The following PLEKHA2 variants were observed in gnomAD, a reference collection of about 807,000 sequenced individuals.
PLEKHA2 encodes pleckstrin homology domain containing A2.
Under a neutral mutation model 53.2 loss-of-function variants are expected in PLEKHA2, and 28 were observed. The observed-to-expected ratio is 0.53, with a 90% confidence interval of 0.39 to 0.72. The LOEUF (loss-of-function observed/expected upper bound fraction) is 0.72. Among genes scored for constraint, PLEKHA2 ranks in the 30% least tolerant of loss-of-function variants. The pLI is 0.00. For synonymous variants in PLEKHA2, 193 were observed against 196.4 expected, an observed-to-expected ratio of 0.98 and a Z score of 0.14; for missense variants, 426 against 537.9, an observed-to-expected ratio of 0.79 and a Z score of 2.06.
intron 1 of PLEKHA2, among the ~76,000 whole-genome samples, chr8:38,905,129 T>G (rs976419196): frequency 2.6e-5 from 4 of 152,288 alleles, no homozygotes; most frequent in African/African-American, 9.6e-5. Flanking sequence ...CACACCCTTT[T>G]GAATGGTCAT....
intron 2 of PLEKHA2, among the ~76,000 whole-genome samples, chr8:38,929,571 T>G (rs1564121379): frequency 6.6e-6 from 1 of 152,262 alleles, no homozygotes; most frequent in Non-Finnish European, 1.5e-5. Context: ...GGCAGGTTCC[T>G]TCACCTGCCC....
At chr8:38,923,937 C>T (rs1005368688) in intron 2 of PLEKHA2, among the ~76,000 whole-genome samples, 3 of 152,040 alleles carry the variant, frequency 2.0e-5, no homozygotes, top group Non-Finnish European at 4.4e-5. Flanking sequence ...CTGCAACCTC[C>T]GCCTCCCAGC....
chr8:38,969,352 A>C, intron 11 of PLEKHA2, 69 bp from the exon 12 acceptor site: 1 of 1,537,044 alleles, frequency 6.5e-7, no homozygotes, highest in Non-Finnish European at 8.7e-7. Context: ...TCTTTCTGGG[A>C]CTCTGTGATA....
chr8:38,951,258 G>C (rs1834833272), intron 6 of PLEKHA2, among the ~76,000 whole-genome samples: 1 of 152,096 alleles, frequency 6.6e-6, no homozygotes. Context: ...CAGAAGATGA[G>C]GGTTTGTGAA....
At chr8:38,950,816 G>C (rs1413518511) in intron 5 of PLEKHA2, 34 bp from the exon 6 acceptor site, 1 of 1,602,786 alleles carries the variant, frequency 6.2e-7, no homozygotes, top group Non-Finnish European at 8.5e-7. Context: ...TAAATGTTCT[G>C]TTCCCCATTG....
At chr8:38,929,329 C>G (rs1834346348) in intron 2 of PLEKHA2, among the ~76,000 whole-genome samples, 1 of 152,230 alleles carries the variant, frequency 6.6e-6, no homozygotes, top group Non-Finnish European at 1.5e-5. Flanking sequence ...AGTTTGGCAC[C>G]CAAGAGCCAG....
At chr8:38,926,321 C>T (rs1834287535) in intron 2 of PLEKHA2, among the ~76,000 whole-genome samples, 1 of 150,204 alleles carries the variant, frequency 6.7e-6, no homozygotes, top group Non-Finnish European at 1.5e-5. Context: ...TTATAAGTGA[C>T]AAATCTGTAC....
At position 38,971,167 on chromosome 8, in the gene PLEKHA2, G is replaced by A. The variant is rs915238444; in HGVS notation, c.*1384G>A. 6.6e-6 allele frequency: 1 copy of A among 152,182 alleles called. No homozygotes were observed. The highest frequency in any genetic ancestry group is 2.4e-5 in the African/African-American group (1 of 41,450). The allele number at this position is 152,182 out of a possible 1,614,324, so 9.4% of individuals were successfully genotyped here. On this transcript the variant is annotated 3_prime_UTR_variant, in exon 12 of 12. Transcript: ENST00000617275. ...AATCATGTTTCTTTCAGGACGTGTT[G>A]TTTCCCTGAAGTCTATGTCACACTG...
intron 2 of PLEKHA2, among the ~76,000 whole-genome samples, chr8:38,923,211 C>T (rs1049370031): frequency 6.6e-6 from 1 of 152,170 alleles, no homozygotes; most frequent in African/African-American, 2.4e-5. Context: ...AGATGTAGGG[C>T]TTGGAGGTGG....
rs375831854 is a variant in PLEKHA2 at position 38,939,863 on chromosome 8, A to C, written c.198+3813A>C. Among the ~76,000 whole-genome samples, 130 of 152,214 alleles carry C rather than the reference A, an allele frequency of 8.5e-4. 1 individual carries two copies. The highest frequency in any genetic ancestry group is 3.0e-3 in the African/African-American group (123 of 41,542). ...CACTTTGGGAGTCTGAGGTGGGAGGATCGCTTGAGGCCAGGAGTTCAAGAC... is the reference window on the plus strand; with the variant it reads ...CACTTTGGGAGTCTGAGGTGGGAGGCTCGCTTGAGGCCAGGAGTTCAAGAC... On this transcript the variant is annotated intron_variant, in intron 3 of 11. Transcript: ENST00000617275.
At chr8:38,918,540 T>TACACAC (rs1834112324) in intron 2 of PLEKHA2, among the ~76,000 whole-genome samples, 1 of 110,534 alleles carries the variant, frequency 9.0e-6, no homozygotes, top group Non-Finnish European at 1.9e-5. Context: ...ACACACCCCA[T>TACACAC]ATACACACAC....
Position 38,969,410 on chromosome 8 carries a change from T to C in PLEKHA2, c.916-11T>C, listed in dbSNP as rs374686124. Reference sequence around the variant, plus strand: ...CTTTCTTTTGTCTTTTTCTTCCTTTTATTTTTATAGGAAACGTCCTTTTCT... The same window carrying C: ...CTTTCTTTTGTCTTTTTCTTCCTTTCATTTTTATAGGAAACGTCCTTTTCT... On this transcript the variant is annotated splice_polypyrimidine_tract_variant and intron_variant, in intron 11 of 11. Coordinates refer to ENST00000617275, the MANE Select transcript of PLEKHA2 (RefSeq NM_021623.2). 79 of 1,598,556 alleles carry C rather than the reference T, an allele frequency of 4.9e-5. No individual in the cohort carries two copies. Among genetic ancestry groups the C allele is most frequent in the Non-Finnish European group, 6.4e-5 (75 of 1,176,392 alleles).
chr8:38,917,138 A>G (rs1834075625), intron 1 of PLEKHA2, among the ~76,000 whole-genome samples: 1 of 152,052 alleles, frequency 6.6e-6, no homozygotes, highest in Non-Finnish European at 1.5e-5. Context: ...TTTTTTTCCT[A>G]TAAAGTTGTT....
chr8:38,930,333 C>G (rs1052967559), intron 2 of PLEKHA2, among the ~76,000 whole-genome samples: 2 of 152,146 alleles, frequency 1.3e-5, no homozygotes, highest in Non-Finnish European at 2.9e-5. Context: ...TCCCAAGTAG[C>G]TGGGATTACA....
intron 8 of PLEKHA2, 80 bp downstream of exon 8, chr8:38,952,784 C>A: frequency 7.1e-7 from 1 of 1,413,016 alleles, no homozygotes; most frequent in Non-Finnish European, 9.8e-7. Flanking sequence ...GGAGAGCGTG[C>A]ATGAGTGGAG....
rs150722357 is a variant in PLEKHA2, at chr8:38,969,941, CTGTGTGTGTGTG to C, written c.*184_*195del. On this transcript the variant is annotated 3_prime_UTR_variant, in exon 12 of 12. Transcript: ENST00000617275. ...GGAGGGAGGGGCCCATCCAGCTGGG[CTGTGTGTGTGTG>C]TGTGTGTGTGTGTGTGTGTGTGTGT... 3,726 of 697,800 alleles carry C rather than the reference CTGTGTGTGTGTG, an allele frequency of 5.3e-3. 31 individuals carry two copies. The highest frequency in any genetic ancestry group is 0.036 in the African/African-American group (1,822 of 51,082). 43.2% of individuals were successfully genotyped at this position (697,800 alleles called of 1,614,324 possible).
At chr8:38,934,157 A>AAT (rs530620380) in intron 2 of PLEKHA2, among the ~76,000 whole-genome samples, 2,866 of 151,156 alleles carry the variant, frequency 0.019, 95 homozygotes, top group African/African-American at 0.064. Context: ...AGAAGAAGAA[A>AAT]ATATATATAT....
chr8:38,909,808 A>T (rs897884435), intron 1 of PLEKHA2, among the ~76,000 whole-genome samples: 1 of 152,134 alleles, frequency 6.6e-6, no homozygotes, highest in Non-Finnish European at 1.5e-5. Context: ...TTAATGGGTG[A>T]CTCCATGCAA....
chr8:38,954,431 C>G (rs1834899809), intron 9 of PLEKHA2, among the ~76,000 whole-genome samples: 1 of 152,062 alleles, frequency 6.6e-6, no homozygotes, highest in South Asian at 2.1e-4. Flanking sequence ...CCTGGAGGGC[C>G]CTTGCAGATG....
Sources: allele counts gnomAD v4.1 joint callset (sites outside exome capture counted in the v4.1 genomes callset), GRCh38; gene constraint gnomAD v4.1.1; transcripts MANE v1.5; gene names NCBI Gene and HGNC (gene_info 2026-07-23, HGNC 2026-07-21).